The following NEB variants were observed in gnomAD, a reference collection of about 807,000 sequenced individuals.
NEB encodes nebulin.
Under a neutral mutation model 952.2 loss-of-function variants are expected in NEB, and 512 were observed. The ratio of observed to expected loss-of-function variants is 0.54; its 90% confidence interval spans 0.50 to 0.58. The LOEUF (loss-of-function observed/expected upper bound fraction) is 0.58, where lower values mean the gene tolerates loss of function less well. Ranked by LOEUF, NEB falls within the 20% of genes least tolerant of loss-of-function variation. The probability of loss-of-function intolerance (pLI) is 0.00; values close to 1 mark genes in which losing one functional copy is unlikely to be tolerated. For synonymous variants in NEB, 2,900 were observed against 3,149.8 expected (o/e 0.92, Z 2.66); for missense variants, 8,428 against 9,231.1 (o/e 0.91, Z 3.56).
In NEB at chr2:151,533,535, T is replaced by C. The variant is rs540836141; in HGVS notation, c.21324A>G (p.Lys7108=). The part of the protein sequence containing the change: ...ATQLMNERKY[K]SSAKMFLQHG... ...GTTGCAGAAACATCTTGGCACTAGA[T>C]TTATATTTTCTCTGTCCATGCAAAG... Residue 7108 remains lysine (K), a synonymous_variant, in exon 143 of 182, where the codon AAA becomes AAG. Coordinates refer to ENST00000397345, the MANE Select transcript of NEB (RefSeq NM_001164508.2). 1 of 1,550,284 alleles carries C rather than the reference T, an allele frequency of 6.5e-7. No homozygotes were observed. Among genetic ancestry groups the C allele is most frequent in the Non-Finnish European group, 8.7e-7 (1 of 1,145,876 alleles).
intron 2 of NEB, 22 bp from the exon 3 acceptor site, chr2:151,733,207 GA>G: frequency 6.7e-7 from 1 of 1,498,574 alleles, no homozygotes; most frequent in South Asian, 1.2e-5. Flanking sequence ...CCATACAAAT[GA>G]AAACATATTA....
At chr2:151,565,468 C>T (rs770309496) in intron 116 of NEB, 33 bp downstream of exon 116, 1 of 1,332,620 alleles carries the variant, frequency 7.5e-7, no homozygotes, top group Admixed American at 1.9e-5. Flanking sequence ...ACTCCCCAGT[C>T]TGTGCACTTC....
intron 52 of NEB, 112 bp from the exon 53 acceptor site, chr2:151,650,997 C>T (rs2099023152): frequency 2.7e-6 from 3 of 1,114,800 alleles, no homozygotes; most frequent in Admixed American, 2.5e-5. Context: ...CTATGTTTCC[C>T]AGGCTGGTCT....
At chr2:151,720,231 T>C (rs1320357620) in intron 9 of NEB, among the ~76,000 whole-genome samples, 4 of 152,144 alleles carry the variant, frequency 2.6e-5, no homozygotes, top group Non-Finnish European at 5.9e-5. Flanking sequence ...GAAAACATGA[T>C]AAGTAGATTA....
Position 151,640,051 on chromosome 2 carries a change from T to G in NEB, c.8695A>C (p.Lys2899Gln). 1 of 1,613,270 alleles carries G rather than the reference T, an allele frequency of 6.2e-7. No individual in the cohort carries two copies. Among genetic ancestry groups the G allele is most frequent in the Non-Finnish European group, 8.5e-7 (1 of 1,179,224 alleles). Residue 2899 changes from lysine (K) to glutamine (Q), a missense_variant, in exon 62 of 182, where the codon AAG (lysine) becomes CAG (glutamine). This residue lies in a region of NEB where 1,772 missense variants were observed against 1,960.3 expected (regional missense o/e 0.90). Coordinates refer to ENST00000397345, the MANE Select transcript of NEB (RefSeq NM_001164508.2). ...CCTCTCATCCACTGGAGATCAGACT[T>G]GTACATATTCTGTTGACACAAATAG... ...AYDLQSDNMY[K>Q]SDLQWMRGIG... is the part of the protein sequence containing the mutation.
intron 76 of NEB, 24 bp from the exon 77 acceptor site, chr2:151,614,611 T>C (rs905139898): frequency 6.3e-7 from 1 of 1,588,954 alleles, no homozygotes; most frequent in Non-Finnish European, 8.6e-7. Context: ...GATATGAGTA[T>C]AATGACAAGA....
rs2093340073 is a variant in NEB at position 151,537,199 on chromosome 2, A to G, written c.21140T>C (p.Ile7047Thr). 2 of 1,613,126 alleles carry G rather than the reference A, an allele frequency of 1.2e-6. No homozygotes were observed. Among genetic ancestry groups the G allele is most frequent in the South Asian group, 1.1e-5 (1 of 91,040 alleles). The change falls in exon 141 of 182, where the codon ATT (isoleucine) becomes ACT (threonine). Residue 7047 changes from isoleucine (I) to threonine (T), a missense_variant. Coordinates refer to ENST00000397345, the MANE Select transcript of NEB (RefSeq NM_001164508.2). ...AGGGGTATCATAGGCATAGCAACCA[A>G]TGCCTTTAAGCCAAGTCAAGTCTTC... is the stretch of plus-strand genomic sequence containing the variant. The part of the protein sequence containing the change: ...YKEDLTWLKG[I>T]GCYAYDTPDF...
At chr2:151,725,041 G>T in intron 6 of NEB, 80 bp from the exon 7 acceptor site, 1 of 1,052,314 alleles carries the variant, frequency 9.5e-7, no homozygotes, top group Non-Finnish European at 1.5e-6. Context: ...TAACCACAGA[G>T]CATTACCCCA....
At chr2:151,662,043 A>G in intron 46 of NEB, 92 bp downstream of exon 46, 1 of 1,127,026 alleles carries the variant, frequency 8.9e-7, no homozygotes, top group Admixed American at 2.4e-5. Flanking sequence ...GTGATGCCCT[A>G]TAACTGTATT....
chr2:151,719,500 C>T (rs1456577699), intron 9 of NEB, among the ~76,000 whole-genome samples: 2 of 152,138 alleles, frequency 1.3e-5, no homozygotes, highest in Admixed American at 6.5e-5. Flanking sequence ...ATAACAAAAG[C>T]TTTCATGGAC....
In NEB at chr2:151,540,402, G is replaced by A. The variant is rs376157878; in HGVS notation, c.20834C>T (p.Pro6945Leu). 23 of 1,583,362 alleles carry A rather than the reference G, an allele frequency of 1.5e-5. 1 individual carries two copies. Among genetic ancestry groups the A allele is most frequent in the South Asian group, 9.2e-5 (8 of 86,634 alleles). Residue 6945 changes from proline (P) to leucine (L), a missense_variant, in exon 138 of 182, where the codon CCG (proline) becomes CTG (leucine). This residue lies in a region of NEB where 3,374 missense variants were observed against 3,651.5 expected (regional missense o/e 0.92). Transcript: ENST00000397345. The stretch of plus-strand genomic sequence containing the variant: ...GATGAGGATTGGCGTATCTGGAACC[G>A]GAGTGTACTTGTCTTTCATCTTTTC... The part of the protein sequence containing the change: ...QYEKMKDKYT[P>L]VPDTPILIRA...
Position 151,697,158 on chromosome 2 carries a change from T to C in NEB, c.1460A>G (p.Gln487Arg). Residue 487 changes from glutamine to arginine, a missense_variant, in exon 16 of 182, where the codon CAG becomes CGG. By Grantham distance (43) the Gln-to-Arg change is conservative. Coordinates refer to ENST00000397345, the MANE Select transcript of NEB (RefSeq NM_001164508.2). ...AGACTACAGACTTACGTCTTTACAC[T>C]GATCTAGTTTCTTAATTGCTTCATA... ...QEYEAIKKLD[Q>R]CKDHTYKVHP... 1 of 1,612,848 alleles carries C rather than the reference T, an allele frequency of 6.2e-7. No homozygotes were observed. Among genetic ancestry groups the C allele is most frequent in the South Asian group, 1.1e-5 (1 of 91,004 alleles).
At chr2:151,685,228 TCAGGAA>T (rs2099486078) in intron 27 of NEB, among the ~76,000 whole-genome samples, 1 of 152,158 alleles carries the variant, frequency 6.6e-6, no homozygotes, top group South Asian at 2.1e-4. Context: ...TCTGCTTCAG[TCAGGAA>T]CAGGAATGAT....
chr2:151,505,855 G>C (rs1242097521), intron 164 of NEB: 1 of 532,316 alleles, frequency 1.9e-6, no homozygotes, highest in African/African-American at 1.9e-5. Flanking sequence ...TTTATGCCCA[G>C]CAGGTCGTTT....
intron 161 of NEB, among the ~76,000 whole-genome samples, chr2:151,511,944 G>A (rs2074719431): frequency 1.3e-5 from 2 of 148,458 alleles, no homozygotes. Context: ...ATTACAAGTT[G>A]TACCATGTTC....
At chr2:151,519,456 G>A (rs1575951405) in intron 154 of NEB, among the ~76,000 whole-genome samples, 2 of 152,306 alleles carry the variant, frequency 1.3e-5, no homozygotes, top group Middle Eastern at 6.8e-3. Flanking sequence ...TAGATAAGAG[G>A]TTCCCAGGAG....
intron 167 of NEB, 57 bp from the exon 168 acceptor site, chr2:151,501,540 C>T: frequency 2.0e-6 from 2 of 1,008,842 alleles, no homozygotes; most frequent in Non-Finnish European, 2.7e-6. Flanking sequence ...TTTAGGTAGA[C>T]TTAACCTAAA....
At chr2:151,633,522 T>C (rs1324398373) in intron 65 of NEB, 132 bp downstream of exon 65, 8 of 1,280,204 alleles carry the variant, frequency 6.2e-6, no homozygotes, top group African/African-American at 1.5e-5. Flanking sequence ...AGCAATAAAA[T>C]TGTATTCTGA....
intron 124 of NEB, among the ~76,000 whole-genome samples, chr2:151,557,143 A>T (rs565601680): frequency 1.5e-4 from 23 of 152,160 alleles, no homozygotes; most frequent in Non-Finnish European, 3.1e-4. Flanking sequence ...AGAAGAAAAG[A>T]AAGAAGAATC....
Sources: allele counts gnomAD v4.1 joint callset (sites outside exome capture counted in the v4.1 genomes callset), GRCh38; gene constraint gnomAD v4.1.1; regional missense constraint gnomAD v4.1.1; transcripts MANE v1.5; gene names NCBI Gene and HGNC (gene_info 2026-07-23, HGNC 2026-07-21).